MYOF: variants seen among roughly 807,000 people sequenced by gnomAD.
MYOF encodes the protein fer-1-like 3, myoferlin.
A neutral mutation model predicts 284.2 loss-of-function variants in MYOF; 244 were observed. The ratio of observed to expected loss-of-function variants is 0.86; its 90% CI spans 0.77 to 0.95. MYOF has a LOEUF of 0.95. Among genes scored for constraint, MYOF ranks in the 40% least tolerant of loss-of-function variants. MYOF has a pLI of 0.00. For missense variants in MYOF, 2,496 were observed against 2,560.6 expected, an observed-to-expected ratio of 0.97 and a Z score of 0.54; for synonymous variants, 904 against 919.7, an observed-to-expected ratio of 0.98 and a Z score of 0.31.
At position 93,329,004 on chromosome 10, in the gene MYOF, C is replaced by G. The variant is rs1843183173; in HGVS notation, c.4983-93G>C. 4.5e-6 allele frequency: 6 copies of G among 1,320,678 alleles called. No homozygotes were observed. In the South Asian group the frequency reaches 9.7e-5, roughly 21 times the overall value. The allele number at this position is 1,320,678 out of a possible 1,614,324, so 81.8% of individuals were successfully genotyped here. A position where few individuals can be genotyped will look rare whatever the true frequency, so the allele number is the denominator to read the frequency against. On this transcript the variant is annotated intron_variant, in intron 44 of 53. Coordinates refer to ENST00000359263, the MANE Select transcript of MYOF (RefSeq NM_013451.4). ...CATGCTCATGTACTCTTAGGTGCTC[C>G]CATATAGTGGGTGCAGAAAATCTGC...
chr10:93,367,198 G>A (rs940579246), intron 25 of MYOF, among the ~76,000 whole-genome samples: 21 of 152,322 alleles, frequency 1.4e-4, no homozygotes, highest in African/African-American at 4.6e-4. Flanking sequence ...AATGGCAATG[G>A]CAGACTCTGG....
At chr10:93,405,254 A>G (rs988594052) in intron 7 of MYOF, among the ~76,000 whole-genome samples, 4 of 152,238 alleles carry the variant, frequency 2.6e-5, no homozygotes, top group Non-Finnish European at 5.9e-5. Flanking sequence ...ATCATAACCA[A>G]GAAATTTAAC....
Position 93,363,915 on chromosome 10 carries a change from A to C in MYOF, c.2868+46T>G, listed in dbSNP as rs753236840. The C allele has an allele frequency of 5.3e-5, 84 of 1,575,498 alleles. No individual in the cohort carries two copies. In the Middle Eastern group the frequency reaches 6.7e-4, roughly 12 times the overall value. On this transcript the variant is annotated intron_variant, in intron 27 of 53. Transcript: ENST00000359263. ...GCTGCTGGGTTCCCCGCAGATCACG[A>C]TCAGAGGTGACAGGTGAGAGTTTCT...
chr10:93,345,411 C>T (rs1288500780), intron 37 of MYOF, among the ~76,000 whole-genome samples: 2 of 152,162 alleles, frequency 1.3e-5, no homozygotes, highest in Non-Finnish European at 2.9e-5. Flanking sequence ...GTGTTTTAAC[C>T]ACCACACCAG....
rs374509787 is a variant in MYOF, at chr10:93,363,953, C to A, written c.2868+8G>T. 1.0e-4 allele frequency: 165 copies of A among 1,612,744 alleles called. No homozygotes were observed. In the African/African-American group the frequency reaches 2.1e-3, roughly 20 times the overall value. ...GGTGAGAGTTTCTCTCCGGAGCAGG[C>A]CACTCACCGCATCCGTGTAGGTGTC... On this transcript the variant is annotated splice_region_variant and intron_variant, in intron 27 of 53. Transcript: ENST00000359263.
intron 17 of MYOF, among the ~76,000 whole-genome samples, chr10:93,390,573 CA>C (rs1296182721): frequency 6.6e-6 from 1 of 152,094 alleles, no homozygotes; most frequent in Non-Finnish European, 1.5e-5. Flanking sequence ...GACAGATAAA[CA>C]GGAGGAATGA....
chr10:93,315,961 A>G (rs1360146486), intron 50 of MYOF, among the ~76,000 whole-genome samples: 3 of 131,798 alleles, frequency 2.3e-5, no homozygotes, highest in Non-Finnish European at 5.5e-5. Context: ...TCTGTACTAA[A>G]AAGTGAAAAA....
At chr10:93,397,495 T>G (rs779573514) in intron 13 of MYOF, 39 bp from the exon 14 acceptor site, 4 of 1,504,486 alleles carry the variant, frequency 2.7e-6, no homozygotes, top group African/African-American at 2.8e-5. Context: ...GTTTTCAAGT[T>G]TCTAATTTCT....
chr10:93,327,771 T>C (rs942037388), intron 45 of MYOF, among the ~76,000 whole-genome samples: 1 of 152,176 alleles, frequency 6.6e-6, no homozygotes, highest in African/African-American at 2.4e-5. Flanking sequence ...GTTTGTTTGT[T>C]TTTTGAGACA....
chr10:93,335,564 T>C (rs74977104), intron 41 of MYOF, among the ~76,000 whole-genome samples: 11,020 of 151,940 alleles, frequency 0.073, 472 homozygotes, highest in African/African-American at 0.087. Flanking sequence ...GGAGAGACTG[T>C]ATCTTAGGAT....
Position 93,306,818 on chromosome 10 carries a change from C to T in MYOF, c.*145G>A, listed in dbSNP as rs891624258. 1 of 815,280 alleles carries T rather than the reference C, an allele frequency of 1.2e-6. No homozygotes were observed. Among genetic ancestry groups the T allele is most frequent in the South Asian group, 1.6e-5 (1 of 61,626 alleles). 50.5% of individuals were successfully genotyped at this position (815,280 alleles called of 1,614,324 possible). On this transcript the variant is annotated 3_prime_UTR_variant, in exon 54 of 54. Coordinates refer to ENST00000359263, the MANE Select transcript of MYOF (RefSeq NM_013451.4). ...TGGCCTGACTTTCCAGGACTAAGAC[C>T]CTCTGGGAATCAATGGGGCTCGGTG...
intron 39 of MYOF, 69 bp downstream of exon 39, chr10:93,340,084 A>AG: frequency 6.9e-6 from 10 of 1,453,754 alleles, no homozygotes; most frequent in Middle Eastern, 1.8e-4. Context: ...CTTCTCAAAA[A>AG]AAGAAAAGAA....
intron 1 of MYOF, among the ~76,000 whole-genome samples, chr10:93,470,238 A>AAAAGAAAG (rs1390923821): frequency 1.7e-5 from 1 of 58,816 alleles, no homozygotes; most frequent in African/African-American, 5.5e-5. Context: ...CAAAAAAAAA[A>AAAAGAAAG]AAAGAAAGAA....
intron 5 of MYOF, among the ~76,000 whole-genome samples, chr10:93,418,323 C>A (rs914860538): frequency 5.3e-5 from 8 of 152,144 alleles, no homozygotes; most frequent in African/African-American, 1.9e-4. Flanking sequence ...AACACATTTT[C>A]TTAGCTGGAA....
chr10:93,430,559 G>A (rs1589557618), intron 4 of MYOF, among the ~76,000 whole-genome samples: 1 of 148,618 alleles, frequency 6.7e-6, no homozygotes, highest in African/African-American at 2.5e-5. Context: ...TCCAGCCTGG[G>A]TGACGGAGTG....
At chr10:93,455,002 A>G (rs921104342) in intron 2 of MYOF, among the ~76,000 whole-genome samples, 4 of 150,146 alleles carry the variant, frequency 2.7e-5, no homozygotes, top group East Asian at 1.9e-4. Context: ...AAAAAAAAAA[A>G]AAAAAAAAAA....
intron 29 of MYOF, among the ~76,000 whole-genome samples, chr10:93,357,933 G>C (rs1844888180): frequency 6.6e-6 from 1 of 152,030 alleles, no homozygotes; most frequent in Middle Eastern, 3.2e-3. Context: ...CTGTCAGACG[G>C]GGATAATTAA....
intron 18 of MYOF, among the ~76,000 whole-genome samples, chr10:93,388,303 T>C (rs1166074503): frequency 6.6e-6 from 1 of 152,186 alleles, no homozygotes; most frequent in Non-Finnish European, 1.5e-5. Flanking sequence ...CTGGGTTAAC[T>C]TGGCTGCTTT....
intron 12 of MYOF, among the ~76,000 whole-genome samples, chr10:93,400,673 A>G (rs1847244689): frequency 6.6e-6 from 1 of 152,132 alleles, no homozygotes; most frequent in African/African-American, 2.4e-5. Context: ...AGACAGGCCC[A>G]GCAAGGCAAA....
Sources: allele counts gnomAD v4.1 joint callset (sites outside exome capture counted in the v4.1 genomes callset), GRCh38; gene constraint gnomAD v4.1.1; transcripts MANE v1.5; gene names NCBI Gene and HGNC (gene_info 2026-07-23, HGNC 2026-07-21).